Variants in MAP9 observed in about 807,000 individuals in gnomAD.
MAP9 encodes microtubule-associated protein 9.
MAP9 carries 80 observed loss-of-function variants against 75.2 expected under a neutral mutation model. That is an observed-to-expected ratio of 1.06 (90% CI 0.89 to 1.28). MAP9 has a LOEUF of 1.28. MAP9 is among the 50% of genes most tolerant of loss of function. The pLI, the probability that MAP9 is intolerant of heterozygous loss-of-function variation, is 0.00. For missense variants in MAP9, 753 were observed against 719.9 expected (o/e 1.05, Z -0.53); for synonymous variants, 235 against 237.3 (o/e 0.99, Z 0.09).
Position 155,375,816 on chromosome 4 carries a change from T to G in MAP9, c.35A>C (p.Tyr12Ser). Residue 12 changes from tyrosine to serine, a missense_variant, in exon 2 of 14, where the codon TAT becomes TCT. Transcript: ENST00000311277. ...SDEVFSTTLA[Y>S]TKSPKVTKRT... is the part of the protein sequence containing the mutation. ...TTTGGTAACTTTTGGACTCTTTGTA[T>G]ATGCCAAAGTGGTGCTAAAAACTTC... The G allele has an allele frequency of 6.2e-7, 1 of 1,610,884 alleles. No individual in the cohort carries two copies. Among genetic ancestry groups the G allele is most frequent in the East Asian group, 2.2e-5 (1 of 44,748 alleles).
chr4:155,347,476 CAT>C lies in MAP9; in HGVS notation c.*305_*306del, dbSNP rs1712330796. 1 of 215,168 alleles carries C rather than the reference CAT, an allele frequency of 4.6e-6. No individual in the cohort carries two copies. The highest frequency in any genetic ancestry group is 2.3e-5 in the African/African-American group (1 of 44,038). The allele number at this position is 215,168 out of a possible 1,614,324, so 13.3% of individuals were successfully genotyped here. A position where few individuals can be genotyped will look rare whatever the true frequency, so the allele number is the denominator to read the frequency against. On this transcript the variant is annotated 3_prime_UTR_variant, in exon 14 of 14. Transcript: ENST00000311277. ...ACTGGAATTAAATATACTTAAATAA[CAT>C]ACAGAGCTTAATGAAAAAGATCATG... is the stretch of plus-strand genomic sequence containing the variant.
rs770903284 is a variant in MAP9 at position 155,375,021 on chromosome 4, C to G, written c.76G>C (p.Asp26His). The G allele has an allele frequency of 1.9e-6, 3 of 1,556,878 alleles. No homozygotes were observed. In the East Asian group the frequency reaches 6.8e-5, roughly 35 times the overall value. ...PKVTKRTTFQ[D>H]ELIRAITARS... ...GCTGTAATTGCTCTTATTAGCTCAT[C>G]CTGAAATGAGATACTGAAATCAATT... Residue 26 changes from aspartate to histidine, a missense_variant and splice_region_variant, in exon 3 of 14, where the codon GAT (aspartate) becomes CAT (histidine). Transcript: ENST00000311277.
chr4:155,373,557 T>C (rs1732701856), intron 3 of MAP9, 101 bp from the exon 4 acceptor site: 1 of 748,052 alleles, frequency 1.3e-6, no homozygotes, highest in African/African-American at 1.8e-5. Flanking sequence ...CAAACAAAAT[T>C]CTAACAATGA....
At chr4:155,355,305 T>A (rs1295124025) in intron 9 of MAP9, 145 bp from the exon 10 acceptor site, 1 of 369,034 alleles carries the variant, frequency 2.7e-6, no homozygotes, top group East Asian at 4.6e-5. Flanking sequence ...AAAAGACTTT[T>A]AGAATTGTGA....
In MAP9 at chr4:155,352,698, T is replaced by C. The variant is rs1263486205; in HGVS notation, c.1719A>G (p.Gln573=). 3 of 1,564,422 alleles carry C rather than the reference T, an allele frequency of 1.9e-6. No individual in the cohort carries two copies. The highest frequency in any genetic ancestry group is 1.7e-6 in the Non-Finnish European group (2 of 1,149,912). ...TCTCATTTATTTTTTCTTTTTCCTTTTGCTTGAAAAAAGCTTCCTTTTTTT... is the reference window on the plus strand; with the variant it reads ...TCTCATTTATTTTTTCTTTTTCCTTCTGCTTGAAAAAAGCTTCCTTTTTTT... The part of the protein sequence containing the change: ...WNEKKEAFFK[Q]KEKEKINEKR... The change falls in exon 13 of 14, where the codon CAA becomes CAG. Residue 573 remains glutamine (Q), a synonymous_variant. Transcript: ENST00000311277.
Position 155,347,025 on chromosome 4 carries a change from G to C in MAP9, c.*758C>G, listed in dbSNP as rs1398927822. On this transcript the variant is annotated 3_prime_UTR_variant, in exon 14 of 14. Transcript: ENST00000311277. ...GTGATAATGACCTTGAACTCCTGTG[G>C]AATTTCCATAACTAATACATAAGTA... 1 of 152,058 alleles carries C rather than the reference G, an allele frequency of 6.6e-6. No individual in the cohort carries two copies. Among genetic ancestry groups the C allele is most frequent in the Non-Finnish European group, 1.5e-5 (1 of 68,008 alleles). The allele number at this position is 152,058 out of a possible 1,614,324, so 9.4% of individuals were successfully genotyped here.
At chr4:155,367,499 T>G (rs1258366207) in intron 5 of MAP9, 1 of 152,250 alleles carries the variant, frequency 6.6e-6, no homozygotes, top group Non-Finnish European at 1.5e-5. Flanking sequence ...ATTTCTGTTG[T>G]TTTAAGTTAA....
rs941488019 is a variant in MAP9, at chr4:155,346,271, T to G, written c.*1512A>C. ...AGATGCCTGAGTAACTCATGAAATCTTATGGATTTTTATCTCACTTTATAG... is the reference window on the plus strand; with the variant it reads ...AGATGCCTGAGTAACTCATGAAATCGTATGGATTTTTATCTCACTTTATAG... On this transcript the variant is annotated 3_prime_UTR_variant, in exon 14 of 14. Transcript: ENST00000311277. 1 of 152,196 alleles carries G rather than the reference T, an allele frequency of 6.6e-6. No individual in the cohort carries two copies. The highest frequency in any genetic ancestry group is 2.4e-5 in the African/African-American group (1 of 41,456). 9.4% of individuals were successfully genotyped at this position (152,196 alleles called of 1,614,324 possible). A position where few individuals can be genotyped will look rare whatever the true frequency, so the allele number is the denominator to read the frequency against.
At position 155,344,540 on chromosome 4, in the gene MAP9, G is replaced by A. The variant is rs769211330; in HGVS notation, c.*3243C>T. 2.0e-5 allele frequency: 3 copies of A among 151,984 alleles called. No homozygotes were observed. The allele number at this position is 151,984 out of a possible 1,614,324, so 9.4% of individuals were successfully genotyped here. On this transcript the variant is annotated 3_prime_UTR_variant, in exon 14 of 14. Coordinates refer to ENST00000311277, the MANE Select transcript of MAP9 (RefSeq NM_001039580.2). ...CTATAACTCTAAGGAACATAAGACT[G>A]TGGATACCTATCTACTGTCAGGTAC...
Position 155,343,535 on chromosome 4 carries a change from C to T in MAP9, c.*4248G>A, listed in dbSNP as rs984020666. 1 of 151,462 alleles carries T rather than the reference C, an allele frequency of 6.6e-6. No homozygotes were observed. Among genetic ancestry groups the T allele is most frequent in the Non-Finnish European group, 1.5e-5 (1 of 67,716 alleles). The allele number at this position is 151,462 out of a possible 1,614,324, so 9.4% of individuals were successfully genotyped here. A position where few individuals can be genotyped will look rare whatever the true frequency, so the allele number is the denominator to read the frequency against. On this transcript the variant is annotated 3_prime_UTR_variant, in exon 14 of 14. Coordinates refer to ENST00000311277, the MANE Select transcript of MAP9 (RefSeq NM_001039580.2). ...TCAGTTTTATATCCAAATTTTTAGT[C>T]ATTTATAATAAAAGGTATATTAGCA... is the stretch of plus-strand genomic sequence containing the variant.
intron 4 of MAP9, among the ~76,000 whole-genome samples, chr4:155,369,146 C>T (rs1374925828): frequency 6.6e-6 from 1 of 151,926 alleles, no homozygotes; most frequent in African/African-American, 2.4e-5. Context: ...CACGGTGAAA[C>T]CCTGTCTCTA....
At chr4:155,372,568 A>G (rs1489475945) in intron 4 of MAP9, among the ~76,000 whole-genome samples, 2 of 152,232 alleles carry the variant, frequency 1.3e-5, no homozygotes, top group Non-Finnish European at 2.9e-5. Context: ...GTAGATTTTC[A>G]TAGGCAATAC....
rs956452219 is a variant in MAP9, at chr4:155,346,170, G to A, written c.*1613C>T. 1.3e-5 allele frequency: 2 copies of A among 152,130 alleles called. No individual in the cohort carries two copies. The highest frequency in any genetic ancestry group is 2.9e-5 in the Non-Finnish European group (2 of 68,020). 9.4% of individuals were successfully genotyped at this position (152,130 alleles called of 1,614,324 possible). A position where few individuals can be genotyped will look rare whatever the true frequency, so the allele number is the denominator to read the frequency against. ...CAAGAAGGCTGATGCTCAGTATGTG[G>A]AACGTCTGGAGTGATCATCTCAAAG... is the stretch of plus-strand genomic sequence containing the variant. On this transcript the variant is annotated 3_prime_UTR_variant, in exon 14 of 14. Transcript: ENST00000311277.
intron 4 of MAP9, among the ~76,000 whole-genome samples, chr4:155,371,601 T>G (rs1732597608): frequency 6.6e-6 from 1 of 151,994 alleles, no homozygotes; most frequent in African/African-American, 2.4e-5. Context: ...AGGTAATTAT[T>G]TTTATATTAC....
chr4:155,354,712 G>A (rs916703067), intron 10 of MAP9, among the ~76,000 whole-genome samples: 14 of 152,174 alleles, frequency 9.2e-5, no homozygotes, highest in African/African-American at 3.4e-4. Context: ...AATCCCATCT[G>A]CCTTGGCCTC....
rs372595354 is a variant in MAP9, at chr4:155,355,874, A to T, written c.1132T>A (p.Ser378Thr). The T allele has an allele frequency of 1.9e-6, 3 of 1,611,830 alleles. No homozygotes were observed. Among genetic ancestry groups the T allele is most frequent in the Admixed American group, 1.7e-5 (1 of 59,626 alleles). ...GAACTAGATTTCTTCAAAAACTCAG[A>T]GGTCATTAATCTGAAAAGATCCAAA... ...ASSASARLMT[S>T]EFLKKSSSKR... Residue 378 changes from serine (S) to threonine (T), a missense_variant, in exon 9 of 14, where the codon TCT (serine) becomes ACT (threonine). Coordinates refer to ENST00000311277, the MANE Select transcript of MAP9 (RefSeq NM_001039580.2).
At chr4:155,353,727 T>G (rs1407311404) in intron 10 of MAP9, among the ~76,000 whole-genome samples, 1 of 152,124 alleles carries the variant, frequency 6.6e-6, no homozygotes, top group Non-Finnish European at 1.5e-5. Context: ...AGTTATGGGC[T>G]TATAAAGTAA....
rs199889120 is a variant in MAP9 at position 155,368,678 on chromosome 4, C to A, written c.616G>T (p.Glu206Ter). Residue 206 changes from glutamate (E) to a stop codon, truncating the protein, a stop_gained, in exon 5 of 14, where the codon GAG (glutamate) becomes TAG (stop). Coordinates refer to ENST00000311277, the MANE Select transcript of MAP9 (RefSeq NM_001039580.2). LOFTEE classifies it high-confidence loss of function. ...AGGGAAGAAGGTGCAGAATGTAACT[C>A]CAATTCTTCACTGAGGGCAGTTTCT... ...DKETALSEELELHSAPSSLPT... is the reference protein window; with the variant it reads ...DKETALSEEL 1.2e-5 allele frequency: 20 copies of A among 1,614,000 alleles called. No individual in the cohort carries two copies. The highest frequency in any genetic ancestry group is 1.7e-5 in the Non-Finnish European group (20 of 1,180,004).
chr4:155,354,884 GT>G (rs1328621296), intron 10 of MAP9, among the ~76,000 whole-genome samples, 186 bp downstream of exon 10: 20 of 152,086 alleles, frequency 1.3e-4, no homozygotes, highest in African/African-American at 4.8e-4. Context: ...ATTAAAATCT[GT>G]TTTCATGTAA....
Sources: gnomAD v4.1 joint callset for allele counts (sites outside exome capture counted in the v4.1 genomes callset) on GRCh38, gnomAD v4.1.1 for gene constraint, MANE v1.5 for transcripts, NCBI Gene and HGNC (gene_info 2026-07-23, HGNC 2026-07-21) for gene names.